STIL: variants seen among roughly 807,000 people sequenced by gnomAD.
STIL encodes the protein STIL centriolar assembly protein.
STIL carries 55 observed loss-of-function variants against 110.1 expected under a neutral mutation model. The observed-to-expected ratio is 0.50, with a 90% CI of 0.40 to 0.63. STIL has a LOEUF of 0.63. Among genes scored for constraint, STIL ranks in the 20% least tolerant of loss-of-function variants. STIL has a pLI of 0.00. For missense variants in STIL, 1,358 were observed against 1,530.0 expected, an observed-to-expected ratio of 0.89 and a Z score of 1.87; for synonymous variants, 481 against 530.0, an observed-to-expected ratio of 0.91 and a Z score of 1.27.
intron 7 of STIL, among the ~76,000 whole-genome samples, chr1:47,295,553 C>G (rs896557280): frequency 6.6e-6 from 1 of 152,020 alleles, no homozygotes; most frequent in Non-Finnish European, 1.5e-5. Flanking sequence ...GCACTCCAGT[C>G]TGGGCACAGA....
chr1:47,271,210 G>A (rs1014172375), intron 13 of STIL, among the ~76,000 whole-genome samples: 1 of 151,822 alleles, frequency 6.6e-6, no homozygotes, highest in African/African-American at 2.4e-5. Context: ...TTTGTACCAC[G>A]AGCCATAGGC....
intron 7 of STIL, 141 bp from the exon 8 acceptor site, chr1:47,293,685 C>T (rs540155690): frequency 1.1e-5 from 7 of 631,670 alleles, no homozygotes; most frequent in Non-Finnish European, 2.0e-5. Context: ...AATCTAAAAA[C>T]GTGCTGATAA....
Position 47,250,316 on chromosome 1 carries a change from A to G in STIL, c.*820T>C, listed in dbSNP as rs1644152331. The G allele has an allele frequency of 1.1e-5, 2 of 175,574 alleles. No individual in the cohort carries two copies. Among genetic ancestry groups the G allele is most frequent in the African/African-American group, 4.7e-5 (2 of 42,206 alleles). The allele number at this position is 175,574 out of a possible 1,614,324, so 10.9% of individuals were successfully genotyped here. The stretch of plus-strand genomic sequence containing the variant: ...AACCCACCATACTGCAAAAAGCTGT[A>G]TCTCGAGTTTAATCAACATGCATCC... On this transcript the variant is annotated 3_prime_UTR_variant, in exon 17 of 17. Transcript: ENST00000371877.
At chr1:47,289,681 G>A (rs937508675) in intron 8 of STIL, 96 bp from the exon 9 acceptor site, 1 of 1,242,232 alleles carries the variant, frequency 8.1e-7, no homozygotes, top group African/African-American at 1.5e-5. Context: ...TTAACAAAAT[G>A]ACTAAAAGGT....
intron 7 of STIL, among the ~76,000 whole-genome samples, chr1:47,295,113 G>C (rs1299453263): frequency 2.6e-5 from 4 of 151,824 alleles, no homozygotes; most frequent in Admixed American, 1.3e-4. Context: ...AGTAGAAATG[G>C]GGTTTCACCA....
chr1:47,283,276 C>A (rs1233378143), intron 10 of STIL: 1 of 152,164 alleles, frequency 6.6e-6, no homozygotes, highest in Non-Finnish European at 1.5e-5. Context: ...GCAGAAGAGA[C>A]CTTTTGCCCT....
At chr1:47,300,447 C>T (rs1212575640) in intron 5 of STIL, among the ~76,000 whole-genome samples, 2 of 151,084 alleles carry the variant, frequency 1.3e-5, no homozygotes, top group Non-Finnish European at 2.9e-5. Flanking sequence ...ATATTTACCA[C>T]ATGGGAAAAA....
intron 11 of STIL, 74 bp from the exon 12 acceptor site, chr1:47,281,283 G>T: frequency 7.2e-7 from 1 of 1,395,824 alleles, no homozygotes; most frequent in Non-Finnish European, 9.7e-7. Flanking sequence ...CCTCAGACCA[G>T]TATTTCCCAA....
At chr1:47,261,799 C>T (rs948976449) in intron 15 of STIL, among the ~76,000 whole-genome samples, 4 of 150,424 alleles carry the variant, frequency 2.7e-5, no homozygotes, top group Admixed American at 6.6e-5. Flanking sequence ...GTAGTCCCAG[C>T]TACTTGGAAG....
intron 14 of STIL, among the ~76,000 whole-genome samples, chr1:47,267,778 C>A (rs960227069): frequency 2.6e-5 from 4 of 151,104 alleles, no homozygotes; most frequent in Non-Finnish European, 5.9e-5. Flanking sequence ...GGCGCAATCT[C>A]GGCTCACTGC....
chr1:47,298,626 GA>G (rs373116736), intron 6 of STIL, among the ~76,000 whole-genome samples: 30 of 132,818 alleles, frequency 2.3e-4, no homozygotes, highest in African/African-American at 5.3e-4. Flanking sequence ...TTATAGTTAA[GA>G]AAAAAAAAAG....
intron 12 of STIL, among the ~76,000 whole-genome samples, chr1:47,276,132 A>T (rs947544607): frequency 1.3e-5 from 2 of 151,532 alleles, no homozygotes; most frequent in African/African-American, 4.9e-5. Context: ...CCTCCTAAGT[A>T]GCGGGATTAC....
intron 3 of STIL, 33 bp downstream of exon 3, chr1:47,304,856 T>A: frequency 6.9e-7 from 1 of 1,452,610 alleles, no homozygotes; most frequent in Non-Finnish European, 9.7e-7. Flanking sequence ...TTGTTTATAC[T>A]GGCTTGATTT....
chr1:47,250,325 T>G lies in STIL; in HGVS notation c.*811A>C, dbSNP rs1644152632. The G allele has an allele frequency of 5.7e-6, 1 of 175,464 alleles. No homozygotes were observed. 10.9% of individuals were successfully genotyped at this position (175,464 alleles called of 1,614,324 possible). A position where few individuals can be genotyped will look rare whatever the true frequency, so the allele number is the denominator to read the frequency against. ...TACTGCAAAAAGCTGTATCTCGAGT[T>G]TAATCAACATGCATCCTAATTAAGG... On this transcript the variant is annotated 3_prime_UTR_variant, in exon 17 of 17. Coordinates refer to ENST00000371877, the MANE Select transcript of STIL (RefSeq NM_001048166.1).
rs894911539 is a variant in STIL, at chr1:47,272,092, G to A, written c.2367C>T (p.Ser789=). 3.7e-6 allele frequency: 6 copies of A among 1,613,940 alleles called. No homozygotes were observed. The highest frequency in any genetic ancestry group is 5.1e-6 in the Non-Finnish European group (6 of 1,179,988). The part of the protein sequence containing the change: ...SPGLHMRKGV[S]IAVSTGASLF... Reference sequence around the variant, plus strand: ...TGAAATTACCTGTGCTCACAGCAATGCTTACACCTTTTCTCATGTGCAAGC... The same window carrying A: ...TGAAATTACCTGTGCTCACAGCAATACTTACACCTTTTCTCATGTGCAAGC... Residue 789 remains serine, a synonymous_variant, in exon 13 of 17, where the codon AGC becomes AGT. Coordinates refer to ENST00000371877, the MANE Select transcript of STIL (RefSeq NM_001048166.1).
intron 8 of STIL, among the ~76,000 whole-genome samples, chr1:47,289,885 C>T (rs1393713621): frequency 6.8e-6 from 1 of 146,696 alleles, no homozygotes; most frequent in African/African-American, 2.6e-5. Context: ...TTGTAATGAG[C>T]CAAGATCGCG....
In STIL at chr1:47,308,659, TA is replaced by T. The variant is rs577567481; in HGVS notation, c.44+1616del. Among the ~76,000 whole-genome samples, 553 of 143,430 alleles carry T rather than the reference TA, an allele frequency of 3.9e-3. 2 individuals carry two copies. The highest frequency in any genetic ancestry group is 0.012 in the African/African-American group (454 of 39,402). The allele number at this position is 143,430 out of a possible 152,430, so 94.1% of individuals were successfully genotyped here. ...GAGAGGTAGACACAGTTAATGGGTT[TA>T]AAAAAAAAAAACCAGAAAGAATGAT... On this transcript the variant is annotated intron_variant, in intron 2 of 16. Transcript: ENST00000371877.
chr1:47,253,670 ATC>A (rs1451409012), intron 16 of STIL, among the ~76,000 whole-genome samples: 1 of 152,138 alleles, frequency 6.6e-6, no homozygotes. Context: ...GATTTTTTCT[ATC>A]AGAGTCCTTT....
intron 12 of STIL, 98 bp downstream of exon 12, chr1:47,280,143 C>G (rs1645115511): frequency 6.6e-7 from 1 of 1,520,316 alleles, no homozygotes; most frequent in South Asian, 1.2e-5. Context: ...TTCTGACATT[C>G]TATACTTCTA....
Sources: gnomAD v4.1 joint callset for allele counts (sites outside exome capture counted in the v4.1 genomes callset) on GRCh38, gnomAD v4.1.1 for gene constraint, MANE v1.5 for transcripts, NCBI Gene and HGNC (gene_info 2026-07-23, HGNC 2026-07-21) for gene names.